SERPIND1: variants seen among roughly 807,000 people sequenced by gnomAD.
SERPIND1 encodes heparin cofactor 2.
Under a neutral mutation model 35.0 loss-of-function variants are expected in SERPIND1, and 34 were observed. The ratio of observed to expected loss-of-function variants is 0.97; its 90% CI spans 0.74 to 1.29. The LOEUF is 1.29. Among genes scored for constraint, SERPIND1 ranks in the 50% most tolerant of loss-of-function variants. The pLI is 0.00. For synonymous variants in SERPIND1, 236 were observed against 241.1 expected (o/e 0.98, Z 0.19); for missense variants, 633 against 637.7 (o/e 0.99, Z 0.08).
At chr22:20,774,176 T>A (rs920222566) in intron 1 of SERPIND1, 31 bp downstream of exon 1, 3 of 152,350 alleles carry the variant, frequency 2.0e-5, no homozygotes, top group Non-Finnish European at 4.4e-5. Context: ...TTCTGCTGAT[T>A]ATAAATTATT....
intron 1 of SERPIND1, chr22:20,779,078 G>C: frequency 9.5e-7 from 1 of 1,055,106 alleles, no homozygotes; most frequent in Non-Finnish European, 1.3e-6. Context: ...TCATCAAGGG[G>C]CCCACAGATC....
rs181925405 is a variant in SERPIND1, at chr22:20,779,598, G to A, written c.286G>A (p.Val96Ile). ...FSEDDDYIDI[V>I]DSLSVSPTDS... ...TGAAGACGACGACTACATCGACATC[G>A]TCGACAGTCTGTCAGTTTCCCCGAC... The change falls in exon 2 of 5, where the codon GTC (valine) becomes ATC (isoleucine). Residue 96 changes from valine (V) to isoleucine (I), a missense_variant. By Grantham distance (29) the Val-to-Ile change is conservative. Transcript: ENST00000215727. 2.6e-4 allele frequency: 418 copies of A among 1,614,144 alleles called. 2 individuals carry two copies. Among genetic ancestry groups the A allele is most frequent in the Non-Finnish European group, 1.5e-4 (173 of 1,179,958 alleles).
chr22:20,782,982 TACTTC>T (rs361919), intron 2 of SERPIND1, among the ~76,000 whole-genome samples: 68,874 of 151,414 alleles, frequency 0.45, 16,181 homozygotes, highest in African/African-American at 0.57. Flanking sequence ...TTGAACAAGT[TACTTC>T]ACTTCTTTGT....
chr22:20,787,387 TC>T lies in SERPIND1; in HGVS notation c.*323del. 1 of 390,858 alleles carries T rather than the reference TC, an allele frequency of 2.6e-6. No individual in the cohort carries two copies. The highest frequency in any genetic ancestry group is 3.7e-5 in the Admixed American group (1 of 26,792). 24.2% of individuals were successfully genotyped at this position (390,858 alleles called of 1,614,324 possible). A position where few individuals can be genotyped will look rare whatever the true frequency, so the allele number is the denominator to read the frequency against. On this transcript the variant is annotated 3_prime_UTR_variant, in exon 5 of 5. Coordinates refer to ENST00000215727, the MANE Select transcript of SERPIND1 (RefSeq NM_000185.4). ...AGCACCTCCCGCTCCGGTGACCCCA[TC>T]CTTGCACACCTGACTCTGTCACTCA...
intron 1 of SERPIND1, among the ~76,000 whole-genome samples, chr22:20,774,490 C>G (rs2147450878): frequency 6.6e-6 from 1 of 152,328 alleles, no homozygotes; most frequent in South Asian, 2.1e-4. Flanking sequence ...GGGCCGGGTG[C>G]AGTGGCTCAC....
Position 20,782,427 on chromosome 22 carries a change from T to C in SERPIND1, c.890-1545T>C, listed in dbSNP as rs367918525. Among the ~76,000 whole-genome samples, 18 of 152,370 alleles carry C rather than the reference T, an allele frequency of 1.2e-4. No homozygotes were observed. The East Asian group carries it at 1.7e-3, about 15-fold the overall frequency. On this transcript the variant is annotated intron_variant, in intron 2 of 4. Coordinates refer to ENST00000215727, the MANE Select transcript of SERPIND1 (RefSeq NM_000185.4). Reference sequence around the variant, plus strand: ...AATGCTAGGAGTACCCAATCATTCATGGATGCTTCTCAAAGGGGACGAGTG... The same window carrying C: ...AATGCTAGGAGTACCCAATCATTCACGGATGCTTCTCAAAGGGGACGAGTG...
At chr22:20,783,824 A>C (rs970109225) in intron 2 of SERPIND1, 148 bp from the exon 3 acceptor site, 4 of 1,067,516 alleles carry the variant, frequency 3.7e-6, no homozygotes, top group Non-Finnish European at 5.7e-6. Flanking sequence ...TTTCTGCCCA[A>C]ATCAGGCCTC....
chr22:20,784,954 C>T (rs5751939), intron 3 of SERPIND1, among the ~76,000 whole-genome samples: 10,546 of 152,134 alleles, frequency 0.069, 357 homozygotes, highest in East Asian at 0.079. Flanking sequence ...AAGGTATTTG[C>T]CCGGGTAGCC....
In SERPIND1 at chr22:20,779,304, T is replaced by G; in HGVS notation, c.-9T>G. ...TTCTGTTTTCCCTCCCAGCTTTAGC[T>G]CCGCCAAAATGAAACACTCATTAAA... is the stretch of plus-strand genomic sequence containing the variant. On this transcript the variant is annotated 5_prime_UTR_variant, in exon 2 of 5. Coordinates refer to ENST00000215727, the MANE Select transcript of SERPIND1 (RefSeq NM_000185.4). 6.2e-7 allele frequency: 1 copy of G among 1,614,142 alleles called. No homozygotes were observed. The highest frequency in any genetic ancestry group is 2.2e-5 in the East Asian group (1 of 44,882).
In SERPIND1 at chr22:20,779,741, C is replaced by T; in HGVS notation, c.429C>T (p.Asp143=). ...TCAACCTCTACCGAGTGCTGAAAGA[C>T]CAGGTCAACACTTTCGATAACATCT... ...FAFNLYRVLK[D]QVNTFDNIFI... The change falls in exon 2 of 5, where the codon GAC becomes GAT. Residue 143 remains aspartate (D), a synonymous_variant. Coordinates refer to ENST00000215727, the MANE Select transcript of SERPIND1 (RefSeq NM_000185.4). 1 of 1,614,206 alleles carries T rather than the reference C, an allele frequency of 6.2e-7. No homozygotes were observed. Among genetic ancestry groups the T allele is most frequent in the Non-Finnish European group, 8.5e-7 (1 of 1,180,050 alleles).
chr22:20,779,982 C>G lies in SERPIND1; in HGVS notation c.670C>G (p.Leu224Val). The G allele has an allele frequency of 1.2e-6, 2 of 1,614,164 alleles. No homozygotes were observed. Among genetic ancestry groups the G allele is most frequent in the Non-Finnish European group, 1.7e-6 (2 of 1,180,038 alleles). Residue 224 changes from leucine (L) to valine (V), a missense_variant, in exon 2 of 5, where the codon CTT becomes GTT. Physicochemically the swap from Leu to Val is conservative, Grantham distance 32. Coordinates refer to ENST00000215727, the MANE Select transcript of SERPIND1 (RefSeq NM_000185.4). ...GTACACACTGCGGTCAGTCAATGAC[C>G]TTTATATCCAGAAGCAGTTTCCAAT... ...FGYTLRSVND[L>V]YIQKQFPILL...
At chr22:20,779,083 C>A in intron 1 of SERPIND1, 1 of 1,129,866 alleles carries the variant, frequency 8.9e-7, no homozygotes, top group Non-Finnish European at 1.2e-6. Context: ...AAGGGGCCCA[C>A]AGATCCTTCA....
chr22:20,787,649 C>T lies in SERPIND1; in HGVS notation c.*583C>T, dbSNP rs1394460008. 6.0e-6 allele frequency: 1 copy of T among 166,934 alleles called. No individual in the cohort carries two copies. Among genetic ancestry groups the T allele is most frequent in the East Asian group, 1.6e-4 (1 of 6,212 alleles). 10.3% of individuals were successfully genotyped at this position (166,934 alleles called of 1,614,324 possible). ...ATCAGTCCCTCCTGCTGTTGCCTCC[C>T]TGTGACCTGGAGGACAGTGTGTGCC... On this transcript the variant is annotated 3_prime_UTR_variant, in exon 5 of 5. Coordinates refer to ENST00000215727, the MANE Select transcript of SERPIND1 (RefSeq NM_000185.4).
At chr22:20,781,060 T>C (rs568658112) in intron 2 of SERPIND1, among the ~76,000 whole-genome samples, 39 of 152,282 alleles carry the variant, frequency 2.6e-4, no homozygotes, top group African/African-American at 8.7e-4. Flanking sequence ...CAGGATACTT[T>C]TGAACTACTG....
chr22:20,787,154 ATTTACGTAG>A lies in SERPIND1; in HGVS notation c.*95_*103del, dbSNP rs1934312788. The stretch of plus-strand genomic sequence containing the variant: ...ACGAGAACAGAGATGTTCTGGCATC[ATTTACGTAG>A]TTTACGCTACCAATCTGAATTCGAG... On this transcript the variant is annotated 3_prime_UTR_variant, in exon 5 of 5. Transcript: ENST00000215727. 1 of 1,236,008 alleles carries A rather than the reference ATTTACGTAG, an allele frequency of 8.1e-7. No homozygotes were observed. Among genetic ancestry groups the A allele is most frequent in the Non-Finnish European group, 1.2e-6 (1 of 843,994 alleles). The allele number at this position is 1,236,008 out of a possible 1,614,324, so 76.6% of individuals were successfully genotyped here. A position where few individuals can be genotyped will look rare whatever the true frequency, so the allele number is the denominator to read the frequency against.
Position 20,784,177 on chromosome 22 carries a change from G to T in SERPIND1, c.1095G>T (p.Gly365=). The T allele has an allele frequency of 6.2e-7, 1 of 1,614,194 alleles. No individual in the cohort carries two copies. Among genetic ancestry groups the T allele is most frequent in the Non-Finnish European group, 8.5e-7 (1 of 1,180,038 alleles). ...TTGTGGTCCCACACAAGATGTCTGGGATGAAGACCCTCGAAGCGCAACTGA... is the reference window on the plus strand; with the variant it reads ...TTGTGGTCCCACACAAGATGTCTGGTATGAAGACCCTCGAAGCGCAACTGA... ...MLIVVPHKMS[G]MKTLEAQLTP... Residue 365 remains glycine (G), a synonymous_variant, in exon 3 of 5, where the codon GGG becomes GGT. Coordinates refer to ENST00000215727, the MANE Select transcript of SERPIND1 (RefSeq NM_000185.4).
rs1934322510 is a variant in SERPIND1, at chr22:20,787,244, T to G, written c.*178T>G. The G allele has an allele frequency of 1.5e-6, 1 of 654,712 alleles. No individual in the cohort carries two copies. The highest frequency in any genetic ancestry group is 1.8e-5 in the African/African-American group (1 of 55,514). 40.6% of individuals were successfully genotyped at this position (654,712 alleles called of 1,614,324 possible). ...AGAAGAGAGGCTTGTTGGAATCAAT[T>G]CTGCACAATAGCCCATGCTGTAAGC... On this transcript the variant is annotated 3_prime_UTR_variant, in exon 5 of 5. Transcript: ENST00000215727.
chr22:20,779,681 C>G lies in SERPIND1; in HGVS notation c.369C>G (p.Ile123Met). ...AGCTTTTTCATGGCAAGAGCCGGATCCAGCGTCTTAACATCCTCAACGCCA... is the reference window on the plus strand; with the variant it reads ...AGCTTTTTCATGGCAAGAGCCGGATGCAGCGTCTTAACATCCTCAACGCCA... ...ILQLFHGKSRIQRLNILNAKF... is the reference protein window; with the variant it reads ...ILQLFHGKSRMQRLNILNAKF... Residue 123 changes from isoleucine to methionine, a missense_variant, in exon 2 of 5, where the codon ATC (isoleucine) becomes ATG (methionine). By Grantham distance (10) the Ile-to-Met change is conservative (BLOSUM62 1). Transcript: ENST00000215727. The G allele has an allele frequency of 6.2e-7, 1 of 1,614,196 alleles. No individual in the cohort carries two copies. Among genetic ancestry groups the G allele is most frequent in the Non-Finnish European group, 8.5e-7 (1 of 1,179,984 alleles).
intron 3 of SERPIND1, among the ~76,000 whole-genome samples, chr22:20,785,278 C>G (rs1226818757): frequency 1.3e-5 from 2 of 152,170 alleles, no homozygotes; most frequent in South Asian, 4.1e-4. Context: ...CTGTGTTGCC[C>G]AGGCTGGTCT....
Sources: allele counts gnomAD v4.1 joint callset (sites outside exome capture counted in the v4.1 genomes callset), GRCh38; gene constraint gnomAD v4.1.1; transcripts MANE v1.5; gene names NCBI Gene and HGNC (gene_info 2026-07-23, HGNC 2026-07-21).